Variants in AARS1 observed in about 807,000 individuals in gnomAD.
The protein encoded by AARS1 is alanyl-tRNA synthetase 1, also known as alanine--tRNA ligase, cytoplasmic.
In AARS1, 72 loss-of-function variants were observed where a neutral mutation model predicts 108.9. The ratio of observed to expected loss-of-function variants is 0.66; its 90% CI spans 0.55 to 0.80. The LOEUF (loss-of-function observed/expected upper bound fraction) is 0.80. Among genes scored for constraint, AARS1 ranks in the 30% least tolerant of loss-of-function variants. The pLI, the probability that AARS1 is intolerant of heterozygous loss-of-function variation, is 0.00. For missense variants in AARS1, 1,193 were observed against 1,233.2 expected (o/e 0.97, Z 0.49); for synonymous variants, 489 against 465.7 (o/e 1.05, Z -0.64).
chr16:70,256,824 G>A (rs1960003210), intron 15 of AARS1, among the ~76,000 whole-genome samples: 1 of 151,976 alleles, frequency 6.6e-6, no homozygotes, highest in South Asian at 2.1e-4. Context: ...CATTAAGAAT[G>A]TTCTTTTCAG....
rs1408652714 is a variant in AARS1 at position 70,253,930 on chromosome 16, C to T, written c.2509G>A (p.Val837Ile). 1.2e-6 allele frequency: 2 copies of T among 1,614,248 alleles called. No homozygotes were observed. The highest frequency in any genetic ancestry group is 1.1e-5 in the South Asian group (1 of 91,090). The change falls in exon 18 of 21, where the codon GTC becomes ATC. Residue 837 changes from valine (V) to isoleucine (I), a missense_variant. Transcript: ENST00000261772. ...CTGCCAGGACTCACTCGTTTCTGGA[C>T]ATCGGCTTTGCTGGCTCGGTCCAAG... The part of the protein sequence containing the change: ...DDLDRASKAD[V>I]QKRVLEKTKQ...
At chr16:70,263,104 G>A (rs1960183776) in intron 11 of AARS1, among the ~76,000 whole-genome samples, 1 of 151,724 alleles carries the variant, frequency 6.6e-6, no homozygotes, top group Non-Finnish European at 1.5e-5. Context: ...TTCCTGGGAT[G>A]CAGGCTTCAG....
chr16:70,276,374 A>G (rs761954809), intron 4 of AARS1, 112 bp downstream of exon 4: 60 of 1,300,660 alleles, frequency 4.6e-5, no homozygotes, highest in Non-Finnish European at 6.2e-5. Context: ...GTGCATCTCA[A>G]AAGGAACCCT....
intron 11 of AARS1, among the ~76,000 whole-genome samples, chr16:70,262,948 A>G (rs1053979638): frequency 9.9e-5 from 13 of 131,404 alleles, no homozygotes; most frequent in Admixed American, 3.3e-4. Flanking sequence ...AGCCTGGGTG[A>G]CAAAGCAAGA....
chr16:70,267,512 A>G lies in AARS1; in HGVS notation c.1222+147T>C, dbSNP rs185102168. ...TGCATTACTTTTACCATTTTACTAT[A>G]AATTCCAGTTTGCACCAAAAGCAAT... is the stretch of plus-strand genomic sequence containing the variant. On this transcript the variant is annotated intron_variant, in intron 9 of 20. Coordinates refer to ENST00000261772, the MANE Select transcript of AARS1 (RefSeq NM_001605.3). The G allele has an allele frequency of 3.5e-5, 34 of 978,246 alleles. 1 individual carries two copies. In the Middle Eastern group the frequency reaches 1.1e-3, roughly 32 times the overall value. The allele number at this position is 978,246 out of a possible 1,614,324, so 60.6% of individuals were successfully genotyped here. A position where few individuals can be genotyped will look rare whatever the true frequency, so the allele number is the denominator to read the frequency against.
At chr16:70,258,443 G>A (rs1352766443) in intron 14 of AARS1, among the ~76,000 whole-genome samples, 1 of 152,208 alleles carries the variant, frequency 6.6e-6, no homozygotes, top group African/African-American at 2.4e-5. Context: ...TATGTGAACA[G>A]ACTTAACTAG....
chr16:70,285,030 G>A lies in AARS1; in HGVS notation c.-21-2246C>T, dbSNP rs111315764. On this transcript the variant is annotated intron_variant, in intron 1 of 20. Coordinates refer to ENST00000261772, the MANE Select transcript of AARS1 (RefSeq NM_001605.3). ...GGATCACCTGAGGTCAGGAGTTGAA[G>A]ACCAGCCTGGCCAATATGGTGAAAC... Among the ~76,000 whole-genome samples the A allele has an allele frequency of 5.5e-3, 842 of 152,240 alleles. 2 individuals are homozygous for A. The highest frequency in any genetic ancestry group is 0.02 in the African/African-American group (813 of 41,566).
At chr16:70,269,015 T>G (rs770253164) in intron 7 of AARS1, among the ~76,000 whole-genome samples, 3 of 151,994 alleles carry the variant, frequency 2.0e-5, no homozygotes, top group Non-Finnish European at 4.4e-5. Context: ...GAGACCAGCC[T>G]GGCCAACATG....
At chr16:70,269,490 C>T (rs1042068437) in intron 7 of AARS1, 128 bp downstream of exon 7, 21 of 1,375,200 alleles carry the variant, frequency 1.5e-5, no homozygotes, top group Admixed American at 7.8e-5. Flanking sequence ...GGCAAGATCA[C>T]GCCATTGTAC....
rs1960556610 is a variant in AARS1 at position 70,276,565 on chromosome 16, A to G, written c.400T>C (p.Tyr134His). 1 of 1,614,160 alleles carries G rather than the reference A, an allele frequency of 6.2e-7. No homozygotes were observed. Among genetic ancestry groups the G allele is most frequent in the Non-Finnish European group, 8.5e-7 (1 of 1,180,022 alleles). ...TCATCCCCGCCAAAGTAAGTAACAT[A>G]AAGTCTTTCAATGGGAATGCCAAAC... ...QEFGIPIERL[Y>H]VTYFGGDEAA... is the part of the protein sequence containing the mutation. Residue 134 changes from tyrosine to histidine, a missense_variant, in exon 4 of 21, where the codon TAT becomes CAT. Tyr to His is a moderately conservative substitution (Grantham distance 83). Coordinates refer to ENST00000261772, the MANE Select transcript of AARS1 (RefSeq NM_001605.3).
chr16:70,274,934 T>TA (rs35259849), intron 4 of AARS1, among the ~76,000 whole-genome samples: 15,122 of 145,964 alleles, frequency 0.1, 889 homozygotes, highest in South Asian at 0.18. Context: ...CTATATAAAG[T>TA]AAAAAAAAAA....
intron 5 of AARS1, among the ~76,000 whole-genome samples, chr16:70,270,837 C>CAAAAA (rs1158290824): frequency 1.9e-4 from 10 of 53,278 alleles, no homozygotes; most frequent in Middle Eastern, 0.011. Context: ...AACTCCATCT[C>CAAAAA]AAAAAAAAAA....
chr16:70,261,842 G>A (rs1029377280), intron 12 of AARS1, among the ~76,000 whole-genome samples: 1 of 151,672 alleles, frequency 6.6e-6, no homozygotes, highest in Non-Finnish European at 1.5e-5. Flanking sequence ...GCTAATTTTT[G>A]TATGTCAGTA....
chr16:70,282,516 G>T (rs1034290717), intron 2 of AARS1, 104 bp downstream of exon 2: 12 of 1,383,012 alleles, frequency 8.7e-6, no homozygotes, highest in Non-Finnish European at 1.2e-5. Flanking sequence ...ATCACACAGG[G>T]AGTGACAGAA....
At chr16:70,265,402 CCCACTTGAGAA>C in intron 10 of AARS1, 125 bp downstream of exon 10, 4 of 1,376,946 alleles carry the variant, frequency 2.9e-6, no homozygotes, top group Non-Finnish European at 3.1e-6. Flanking sequence ...CAGACTCGCC[CCCACTTGAGAA>C]CCACTGATCT....
intron 3 of AARS1, 70 bp downstream of exon 3, chr16:70,276,896 G>C (rs1427633609): frequency 8.4e-6 from 13 of 1,542,684 alleles, no homozygotes; most frequent in Non-Finnish European, 1.2e-5. Context: ...TGCAAAATTA[G>C]AACCCAGTTC....
intron 11 of AARS1, among the ~76,000 whole-genome samples, chr16:70,263,865 G>C (rs1166007980): frequency 6.6e-6 from 1 of 152,060 alleles, no homozygotes; most frequent in Non-Finnish European, 1.5e-5. Flanking sequence ...TCAAACACCA[G>C]AGCTCAACTG....
chr16:70,273,083 CAG>C (rs889096787), intron 4 of AARS1, among the ~76,000 whole-genome samples: 13 of 152,194 alleles, frequency 8.5e-5, no homozygotes, highest in African/African-American at 3.1e-4. Context: ...ACTTAGACTA[CAG>C]AGTCAACCGA....
rs376989117 is a variant in AARS1 at position 70,253,753 on chromosome 16, A to G, written c.2568T>C (p.Pro856=). Residue 856 remains proline (P), a synonymous_variant, in exon 19 of 21, where the codon CCT becomes CCC. Coordinates refer to ENST00000261772, the MANE Select transcript of AARS1 (RefSeq NM_001605.3). ...CGCTCTCCATCTCCAGGATGACAAG[A>G]GGCTGGTTGGGGTTGCTGTCGATGA... ...KQFIDSNPNQ[P]LVILEMESGA... is the part of the protein sequence containing the mutation. 1 of 1,614,044 alleles carries G rather than the reference A, an allele frequency of 6.2e-7. No individual in the cohort carries two copies. Among genetic ancestry groups the G allele is most frequent in the Non-Finnish European group, 8.5e-7 (1 of 1,180,038 alleles).
Sources: allele counts gnomAD v4.1 joint callset (sites outside exome capture counted in the v4.1 genomes callset), GRCh38; gene constraint gnomAD v4.1.1; transcripts MANE v1.5; gene names NCBI Gene and HGNC (gene_info 2026-07-23, HGNC 2026-07-21).